KDR: variants seen among roughly 807,000 people sequenced by gnomAD.
KDR encodes the protein vascular endothelial growth factor receptor 2.
KDR carries 43 observed loss-of-function variants against 160.9 expected under a neutral mutation model. The observed-to-expected ratio is 0.27, with a 90% CI of 0.21 to 0.34. The LOEUF (loss-of-function observed/expected upper bound fraction) is 0.34. Ranked by LOEUF, KDR falls within the 10% of genes least tolerant of loss-of-function variation. The pLI is 1.00. For synonymous variants in KDR, 617 were observed against 600.1 expected (o/e 1.03, Z -0.41); for missense variants, 1,469 against 1,666.4 (o/e 0.88, Z 2.06).
At chr4:55,096,513 T>G (rs1720161164) in intron 18 of KDR, 171 bp from the exon 19 acceptor site, 1 of 593,328 alleles carries the variant, frequency 1.7e-6, no homozygotes, top group East Asian at 2.8e-5. Flanking sequence ...AATTCTATTT[T>G]CTAATTTGAA....
chr4:55,088,927 G>T lies in KDR; in HGVS notation c.3451C>A (p.Pro1151Thr). 6.2e-7 allele frequency: 1 copy of T among 1,614,160 alleles called. No homozygotes were observed. The highest frequency in any genetic ancestry group is 8.5e-7 in the Non-Finnish European group (1 of 1,180,010). Residue 1151 changes from proline to threonine, a missense_variant, in exon 26 of 30, where the codon CCC becomes ACC. Physicochemically the swap from Pro to Thr is conservative, Grantham distance 38. Transcript: ENST00000263923. ...DCWHGEPSQR[P>T]TFSELVEHLG... ...TGTTCCACCAACTCTGAAAACGTGG[G>T]TCTCTGACTGGGCTCCCCGTGCCAG...
In KDR at chr4:55,079,799, C is replaced by G; in HGVS notation, c.*142G>C. On this transcript the variant is annotated 3_prime_UTR_variant, in exon 30 of 30. Transcript: ENST00000263923. ...CCAGGATATGCCTAGAAGACTGGCT[C>G]CCTGCAGTCCGAGGTCCTTTTTCTG... 1 of 749,928 alleles carries G rather than the reference C, an allele frequency of 1.3e-6. No individual in the cohort carries two copies. Among genetic ancestry groups the G allele is most frequent in the Admixed American group, 2.0e-5 (1 of 50,106 alleles). 46.5% of individuals were successfully genotyped at this position (749,928 alleles called of 1,614,324 possible).
At chr4:55,100,054 G>T (rs575183198) in intron 15 of KDR, among the ~76,000 whole-genome samples, 1 of 152,286 alleles carries the variant, frequency 6.6e-6, no homozygotes, top group South Asian at 2.1e-4. Flanking sequence ...CACTAAGAGT[G>T]ATTAGCAAAG....
chr4:55,084,031 A>T (rs12498529), intron 27 of KDR, among the ~76,000 whole-genome samples: 42,192 of 152,176 alleles, frequency 0.28, 7,259 homozygotes, highest in African/African-American at 0.49. Context: ...CTGTGCCAGA[A>T]GCTGTCTAAG....
intron 15 of KDR, among the ~76,000 whole-genome samples, chr4:55,099,634 GT>G (rs1301847296): frequency 1.3e-5 from 2 of 152,178 alleles, no homozygotes; most frequent in Non-Finnish European, 2.9e-5. Flanking sequence ...TGACCTGAGA[GT>G]TACTAATGAC....
At chr4:55,112,425 T>C (rs1013276353) in intron 7 of KDR, among the ~76,000 whole-genome samples, 2 of 152,052 alleles carry the variant, frequency 1.3e-5, no homozygotes, top group African/African-American at 4.8e-5. Flanking sequence ...ATATAACATA[T>C]AAAATATGTG....
chr4:55,114,800 C>A, intron 5 of KDR, 74 bp downstream of exon 5: 1 of 1,315,022 alleles, frequency 7.6e-7, no homozygotes. Flanking sequence ...TCCTTCTTCA[C>A]TCTATGTTGT....
intron 1 of KDR, among the ~76,000 whole-genome samples, chr4:55,123,947 C>T (rs1372193203): frequency 6.6e-6 from 1 of 152,160 alleles, no homozygotes; most frequent in Non-Finnish European, 1.5e-5. Flanking sequence ...TAGGAAACAC[C>T]CCAGGCTTAA....
intron 6 of KDR, among the ~76,000 whole-genome samples, chr4:55,113,758 A>G (rs772838680): frequency 5.9e-5 from 9 of 152,238 alleles, no homozygotes; most frequent in African/African-American, 1.2e-4. Context: ...CTGTTTAAGG[A>G]GCAGTGTATC....
At chr4:55,112,741 G>A (rs529802031) in intron 7 of KDR, among the ~76,000 whole-genome samples, 28 of 152,076 alleles carry the variant, frequency 1.8e-4, no homozygotes, top group Admixed American at 3.9e-4. Flanking sequence ...TGTTGACCAG[G>A]CTGGTTTCGA....
At position 55,102,284 on chromosome 4, in the gene KDR, C is replaced by T. The variant is rs1720334494; in HGVS notation, c.2134+78G>A. The T allele has an allele frequency of 1.2e-5, 18 of 1,517,946 alleles. No individual in the cohort carries two copies. The South Asian group carries it at 2.0e-4, about 17-fold the overall frequency. The allele number at this position is 1,517,946 out of a possible 1,614,324, so 94.0% of individuals were successfully genotyped here. On this transcript the variant is annotated intron_variant, in intron 14 of 29. Transcript: ENST00000263923. ...ATACTGCTTTTTTTCTACATTACAT[C>T]AAGAAATAATATGGCTTTTTAGATA...
At position 55,105,815 on chromosome 4, in the gene KDR, CAGAGA is replaced by C. The variant is rs1194749730; in HGVS notation, c.1645+12_1645+16del. 6.7e-7 allele frequency: 1 copy of C among 1,491,972 alleles called. No individual in the cohort carries two copies. The highest frequency in any genetic ancestry group is 1.7e-5 in the Admixed American group (1 of 59,862). The allele number at this position is 1,491,972 out of a possible 1,614,324, so 92.4% of individuals were successfully genotyped here. A position where few individuals can be genotyped will look rare whatever the true frequency, so the allele number is the denominator to read the frequency against. ...GTGTGAGTGATCCAACCCAAACCTC[CAGAGA>C]AGAGTACTTACTGGTCACGTGGAAG... On this transcript the variant is annotated intron_variant, in intron 12 of 29. Coordinates refer to ENST00000263923, the MANE Select transcript of KDR (RefSeq NM_002253.4).
intron 27 of KDR, 107 bp downstream of exon 27, chr4:55,087,500 G>A: frequency 1.0e-6 from 1 of 964,774 alleles, no homozygotes; most frequent in Non-Finnish European, 1.6e-6. Context: ...TTATGTGGAA[G>A]TGGGATGCAA....
chr4:55,087,732 C>G lies in KDR; in HGVS notation c.3537G>C (p.Pro1179=), dbSNP rs137873945. Residue 1179 remains proline (P), a synonymous_variant, in exon 27 of 30, where the codon CCG becomes CCC. Coordinates refer to ENST00000263923, the MANE Select transcript of KDR (RefSeq NM_002253.4). ...CTTCCATGCTCAAAGTCTCTGATAT[C>G]GGAAGAACAATGTAGTCTTTGCCAT... The part of the protein sequence containing the change: ...QQDGKDYIVL[P]ISETLSMEED... 29 of 1,613,942 alleles carry G rather than the reference C, an allele frequency of 1.8e-5. No individual in the cohort carries two copies. The East Asian group carries it at 2.7e-4, about 15-fold the overall frequency.
chr4:55,116,432 A>T (rs1720738159), intron 3 of KDR, among the ~76,000 whole-genome samples: 1 of 151,980 alleles, frequency 6.6e-6, no homozygotes, highest in South Asian at 2.1e-4. Context: ...AAAAAAAAAA[A>T]AAAAGATTTC....
chr4:55,115,297 T>C lies in KDR; in HGVS notation c.473A>G (p.Asn158Ser). 3.7e-6 allele frequency: 6 copies of C among 1,611,856 alleles called. No individual in the cohort carries two copies. The highest frequency in any genetic ancestry group is 2.2e-5 in the South Asian group (2 of 91,034). ...IPCLGSISNL[N>S]VSLCARYPEK... is the part of the protein sequence containing the mutation. ...GCAACTTACTGCACAAAGTGACACG[T>C]TGAGATTTGAAATGGACCCGAGACA... The change falls in exon 4 of 30, where the codon AAC becomes AGC. Residue 158 changes from asparagine (N) to serine (S), a missense_variant. Coordinates refer to ENST00000263923, the MANE Select transcript of KDR (RefSeq NM_002253.4).
intron 13 of KDR, among the ~76,000 whole-genome samples, chr4:55,102,804 C>A (rs1250589365): frequency 1.3e-5 from 2 of 152,156 alleles, no homozygotes; most frequent in Admixed American, 6.6e-5. Context: ...CACAGCCTCC[C>A]CAGGTGAAAA....
chr4:55,109,842 C>T (rs765843380), intron 9 of KDR, among the ~76,000 whole-genome samples: 6 of 152,112 alleles, frequency 3.9e-5, no homozygotes, highest in Non-Finnish European at 8.8e-5. Context: ...ATTATCTTTA[C>T]ATCAAAAACT....
In KDR at chr4:55,113,399, A is replaced by G; in HGVS notation, c.881T>C (p.Ile294Thr). 6.2e-7 allele frequency: 1 copy of G among 1,614,038 alleles called. No individual in the cohort carries two copies. The highest frequency in any genetic ancestry group is 8.5e-7 in the Non-Finnish European group (1 of 1,179,936). The change falls in exon 7 of 30, where the codon ATA becomes ACA. Residue 294 changes from isoleucine (I) to threonine (T), a missense_variant. Transcript: ENST00000263923. ...TTGGTCACTCCGGGTTACACCATCT[A>G]TAGTTAAGGTGCTCAAAAATTTCTT... ...EMKKFLSTLTIDGVTRSDQGL... is the reference protein window; with the variant it reads ...EMKKFLSTLTTDGVTRSDQGL...
Sources: gnomAD v4.1 joint callset for allele counts (sites outside exome capture counted in the v4.1 genomes callset) on GRCh38, gnomAD v4.1.1 for gene constraint, MANE v1.5 for transcripts, NCBI Gene and HGNC (gene_info 2026-07-23, HGNC 2026-07-21) for gene names.